The following LAMA2 variants were observed in gnomAD, a reference collection of about 807,000 sequenced individuals.
The protein encoded by LAMA2 is laminin subunit alpha-2.
A neutral mutation model predicts 364.8 loss-of-function variants in LAMA2; 269 were observed. The ratio of observed to expected loss-of-function variants is 0.74; its 90% CI spans 0.67 to 0.82. The LOEUF (loss-of-function observed/expected upper bound fraction) is 0.82. Among genes scored for constraint, LAMA2 ranks in the 40% least tolerant of loss-of-function variants. The probability of loss-of-function intolerance (pLI) is 0.00; values close to 1 mark genes in which losing one functional copy is unlikely to be tolerated. For missense variants in LAMA2, 3,807 were observed against 3,873.2 expected, an observed-to-expected ratio of 0.98 and a Z score of 0.45; for synonymous variants, 1,379 against 1,370.6, an observed-to-expected ratio of 1.01 and a Z score of -0.14.
chr6:129,264,839 G>C (rs1787393476), intron 15 of LAMA2, among the ~76,000 whole-genome samples: 1 of 152,164 alleles, frequency 6.6e-6, no homozygotes, highest in Admixed American at 6.6e-5. Context: ...GACAAGAGCA[G>C]TTTTAATTGA....
intron 14 of LAMA2, 85 bp from the exon 15 acceptor site, chr6:129,260,626 A>G (rs966484562): frequency 3.5e-6 from 3 of 846,672 alleles, no homozygotes; most frequent in Admixed American, 1.7e-5. Flanking sequence ...GCTTATATTT[A>G]TGTCATTGTT....
intron 1 of LAMA2, among the ~76,000 whole-genome samples, chr6:128,993,339 CGTTGTCTTG>C (rs1244092278): frequency 1.3e-5 from 2 of 152,142 alleles, no homozygotes; most frequent in Admixed American, 1.3e-4. Flanking sequence ...ATTTCAGCAG[CGTTGTCTTG>C]ACAGTGGATC....
At chr6:129,477,433 CTTAA>C (rs1446377566) in intron 53 of LAMA2, among the ~76,000 whole-genome samples, 2 of 152,078 alleles carry the variant, frequency 1.3e-5, no homozygotes, top group African/African-American at 4.8e-5. Context: ...AGTGCTATTC[CTTAA>C]TTTATTAAAC....
At chr6:129,516,132 T>A in intron 64 of LAMA2, 58 bp from the exon 65 acceptor site, 1 of 1,571,900 alleles carries the variant, frequency 6.4e-7, no homozygotes, top group Non-Finnish European at 8.8e-7. Context: ...TGAAACATGC[T>A]CTTAATATTT....
At chr6:129,171,154 GGA>G in intron 9 of LAMA2, among the ~76,000 whole-genome samples, 1 of 152,050 alleles carries the variant, frequency 6.6e-6, no homozygotes, top group African/African-American at 2.4e-5. Context: ...TCTTTTAATT[GGA>G]GCATTTAGTC....
intron 18 of LAMA2, among the ~76,000 whole-genome samples, chr6:129,280,990 CCT>C (rs1381114631): frequency 6.6e-6 from 1 of 152,086 alleles, no homozygotes; most frequent in Non-Finnish European, 1.5e-5. Flanking sequence ...AGCTATCACC[CCT>C]GTTTCAACCA....
chr6:129,194,540 T>C (rs1781725772), intron 12 of LAMA2, among the ~76,000 whole-genome samples: 1 of 152,172 alleles, frequency 6.6e-6, no homozygotes, highest in African/African-American at 2.4e-5. Context: ...ACAGTGAAGC[T>C]CTTCATATTC....
At chr6:129,497,255 A>AT (rs899786529) in intron 58 of LAMA2, among the ~76,000 whole-genome samples, 65 of 149,446 alleles carry the variant, frequency 4.3e-4, no homozygotes, top group Admixed American at 1.4e-3. Flanking sequence ...TAGATTCTTT[A>AT]TTTTTTTTTT....
At chr6:129,453,594 C>T (rs926013283) in intron 46 of LAMA2, among the ~76,000 whole-genome samples, 1 of 152,120 alleles carries the variant, frequency 6.6e-6, no homozygotes, top group African/African-American at 2.4e-5. Context: ...ACTGAAATAA[C>T]ACAGATTATA....
intron 49 of LAMA2, among the ~76,000 whole-genome samples, chr6:129,460,925 A>C (rs754539340): frequency 6.6e-6 from 1 of 151,952 alleles, no homozygotes; most frequent in Non-Finnish European, 1.5e-5. Context: ...TTCCTAATAC[A>C]TGACCTCAAT....
chr6:129,395,502 A>G (rs1779564988), intron 37 of LAMA2, among the ~76,000 whole-genome samples: 1 of 152,162 alleles, frequency 6.6e-6, no homozygotes, highest in African/African-American at 2.4e-5. Flanking sequence ...CTAAATGACC[A>G]ACTCAGAAAC....
At position 129,097,504 on chromosome 6, in the gene LAMA2, T is replaced by C. The variant is rs147239087; in HGVS notation, c.397-669T>C. ...TTTATTTCACCCCTTTTCTTGCATG[T>C]TTACCTTTTGTAAAGAGAAGGTACA... is the stretch of plus-strand genomic sequence containing the variant. On this transcript the variant is annotated intron_variant, in intron 3 of 64. Coordinates refer to ENST00000421865, the MANE Select transcript of LAMA2 (RefSeq NM_000426.4). 7.6e-3 allele frequency among the ~76,000 whole-genome samples: 1,155 copies of C among 152,344 alleles called. 19 individuals carry two copies. The highest frequency in any genetic ancestry group is 0.026 in the African/African-American group (1,089 of 41,582).
intron 4 of LAMA2, among the ~76,000 whole-genome samples, chr6:129,118,003 A>G (rs2114913290): frequency 6.6e-6 from 1 of 152,278 alleles, no homozygotes; most frequent in African/African-American, 2.4e-5. Flanking sequence ...CTTATGTAGG[A>G]GGAATAGTGA....
chr6:128,912,153 T>C (rs1778009951), intron 1 of LAMA2, among the ~76,000 whole-genome samples: 1 of 152,218 alleles, frequency 6.6e-6, no homozygotes, highest in Non-Finnish European at 1.5e-5. Flanking sequence ...GTCATGTTTA[T>C]CTGGGAGTAA....
At chr6:129,092,935 G>C (rs772177953) in intron 3 of LAMA2, among the ~76,000 whole-genome samples, 6 of 152,130 alleles carry the variant, frequency 3.9e-5, no homozygotes, top group African/African-American at 7.2e-5. Flanking sequence ...GTGCTCAAAA[G>C]TCTCTGTAAA....
intron 32 of LAMA2, among the ~76,000 whole-genome samples, chr6:129,362,088 A>T (rs905782993): frequency 6.6e-6 from 1 of 152,006 alleles, no homozygotes; most frequent in African/African-American, 2.4e-5. Flanking sequence ...CCCAGCCAGT[A>T]GTAACCATTT....
At chr6:128,988,410 AT>A (rs1214154645) in intron 1 of LAMA2, among the ~76,000 whole-genome samples, 1 of 152,194 alleles carries the variant, frequency 6.6e-6, no homozygotes, top group South Asian at 2.1e-4. Context: ...GTAAAAAAAA[AT>A]ATGCAAAGTA....
intron 19 of LAMA2, among the ~76,000 whole-genome samples, chr6:129,289,687 G>T (rs904908941): frequency 6.6e-6 from 1 of 151,808 alleles, no homozygotes; most frequent in Middle Eastern, 3.2e-3. Context: ...AATTATTGTA[G>T]AAAATTATTA....
chr6:129,232,593 G>A (rs1240544270), intron 12 of LAMA2, among the ~76,000 whole-genome samples: 2 of 151,886 alleles, frequency 1.3e-5, no homozygotes, highest in Non-Finnish European at 2.9e-5. Flanking sequence ...TTAAAATTCT[G>A]GCTAGTGAAT....
Sources: allele counts gnomAD v4.1 joint callset (sites outside exome capture counted in the v4.1 genomes callset), GRCh38; gene constraint gnomAD v4.1.1; transcripts MANE v1.5; gene names NCBI Gene and HGNC (gene_info 2026-07-23, HGNC 2026-07-21).